PEAK1: variants seen among roughly 807,000 people sequenced by gnomAD.
The protein encoded by PEAK1 is pseudopodium enriched atypical kinase 1.
In PEAK1, 54 loss-of-function variants were observed where a neutral mutation model predicts 124.7. That is an observed-to-expected ratio of 0.43 (90% CI 0.35 to 0.54). The LOEUF (loss-of-function observed/expected upper bound fraction) is 0.54. Among genes scored for constraint, PEAK1 ranks in the 20% least tolerant of loss-of-function variants. The pLI is 0.01. For synonymous variants in PEAK1, 719 were observed against 760.0 expected (o/e 0.95, Z 0.89); for missense variants, 2,046 against 2,134.5 (o/e 0.96, Z 0.82).
chr15:77,298,006 C>T (rs1488834447), intron 2 of PEAK1, among the ~76,000 whole-genome samples: 3 of 124,592 alleles, frequency 2.4e-5, no homozygotes, highest in Admixed American at 1.0e-4. Flanking sequence ...TGCAGTGAGC[C>T]GAGATTGCGC....
In PEAK1 at chr15:77,191,200, G is replaced by C. The variant is rs906437410; in HGVS notation, c.-114-9160C>G. ...CTTATTCACATTACTAATTTGCTAA[G>C]AATCTGTTAAAGGAGTATAATAACT... On this transcript the variant is annotated intron_variant, in intron 6 of 9. Transcript: ENST00000682557. Among the ~76,000 whole-genome samples, 17 of 152,076 alleles carry C rather than the reference G, an allele frequency of 1.1e-4. 1 individual carries two copies. Among genetic ancestry groups the C allele is most frequent in the African/African-American group, 4.1e-4 (17 of 41,400 alleles).
intron 2 of PEAK1, among the ~76,000 whole-genome samples, chr15:77,288,903 T>C (rs2063065819): frequency 7.7e-6 from 1 of 129,678 alleles, no homozygotes; most frequent in African/African-American, 3.0e-5. Flanking sequence ...CACTCCAGCA[T>C]GGGCACAAAG....
chr15:77,419,324 T>G, intron 1 of PEAK1: 1 of 984,080 alleles, frequency 1.0e-6, no homozygotes, highest in Non-Finnish European at 1.2e-6. Flanking sequence ...GCAGACGCGG[T>G]TCAGACGGCA....
At chr15:77,336,847 AT>A (rs1262288843) in intron 2 of PEAK1, among the ~76,000 whole-genome samples, 6 of 152,128 alleles carry the variant, frequency 3.9e-5, no homozygotes, top group Non-Finnish European at 4.4e-5. Context: ...ATGAACCAGA[AT>A]TGCATATAGC....
chr15:77,103,067 G>T (rs1172426581), exon 7 of PEAK1: 6 of 152,152 alleles, frequency 3.9e-5, no homozygotes, highest in Non-Finnish European at 5.9e-5. Context: ...AATAAAATTT[G>T]TATATATGTA....
At chr15:77,420,237 C>G (rs1436394254), upstream of PEAK1, 2 of 151,074 alleles carry the variant, frequency 1.3e-5, no homozygotes, top group Non-Finnish European at 3.0e-5. Context: ...CGCCCTCGCC[C>G]GCTCGCCGCG....
intron 5 of PEAK1, among the ~76,000 whole-genome samples, chr15:77,271,316 C>T (rs2152954672): frequency 6.6e-6 from 1 of 152,246 alleles, no homozygotes; most frequent in East Asian, 1.9e-4. Flanking sequence ...AATAGGAACA[C>T]TTTTACACTG....
In PEAK1 at chr15:77,108,666, C is replaced by T. The variant is rs1596196639; in HGVS notation, c.*5490G>A. 6.6e-6 allele frequency: 1 copy of T among 152,222 alleles called. No homozygotes were observed. The highest frequency in any genetic ancestry group is 1.9e-4 in the East Asian group (1 of 5,190). The allele number at this position is 152,222 out of a possible 1,614,324, so 9.4% of individuals were successfully genotyped here. On this transcript the variant is annotated 3_prime_UTR_variant, in exon 10 of 10. Transcript: ENST00000682557. ...ATGAGTGCGGACACACACATACTAT[C>T]CACACACTAACGGGCAAAGTGGGTT...
chr15:77,133,276 T>C lies in PEAK1; in HGVS notation c.3806A>G (p.Gln1269Arg), dbSNP rs780369781. The C allele has an allele frequency of 3.1e-6, 5 of 1,614,254 alleles. No homozygotes were observed. The highest frequency in any genetic ancestry group is 4.5e-5 in the East Asian group (2 of 44,886). Residue 1269 changes from glutamine to arginine, a missense_variant, in exon 9 of 10, where the codon CAG becomes CGG. Transcript: ENST00000682557. This position sits in a 1 kb window ranked among gnomAD's most constrained non-coding sequence, Gnocchi z 4.2. ...GPSCRQGRGIQKPQRQALYRG... is the reference protein window; with the variant it reads ...GPSCRQGRGIRKPQRQALYRG... ...ATAAAGTGCTTGTCTCTGCGGCTTCTGGATGCCTCGGCCCTGTCTGCAAGA... is the reference window on the plus strand; with the variant it reads ...ATAAAGTGCTTGTCTCTGCGGCTTCCGGATGCCTCGGCCCTGTCTGCAAGA...
chr15:77,215,170 C>CCA (rs2059093342), intron 6 of PEAK1, among the ~76,000 whole-genome samples: 1 of 152,120 alleles, frequency 6.6e-6, no homozygotes, highest in Non-Finnish European at 1.5e-5. Context: ...AAGTGTCCCC[C>CCA]CATGTGCTTA....
intron 9 of PEAK1, among the ~76,000 whole-genome samples, chr15:77,129,218 C>A (rs948299166): frequency 6.6e-6 from 1 of 152,202 alleles, no homozygotes; most frequent in Non-Finnish European, 1.5e-5. Flanking sequence ...AGAAAGCCCT[C>A]CCCAGAAAGC....
rs2057275658 is a variant in PEAK1 at position 77,181,565 on chromosome 15, T to A, written c.362A>T (p.Glu121Val). The stretch of plus-strand genomic sequence containing the variant: ...AACATGGCTAATTCCTTCATCATCT[T>A]CATTATTATTGTTAAGTGGTTTCTG... Reference protein sequence around the residue: ...LSQKPLNNNNEDDEGISHVPK... With the variant: ...LSQKPLNNNNVDDEGISHVPK... The change falls in exon 7 of 10, where the codon GAA becomes GTA. Residue 121 changes from glutamate (E) to valine (V), a missense_variant. Transcript: ENST00000682557. 1 of 1,613,984 alleles carries A rather than the reference T, an allele frequency of 6.2e-7. No homozygotes were observed. The highest frequency in any genetic ancestry group is 1.3e-5 in the African/African-American group (1 of 74,894).
chr15:77,276,185 A>G (rs2062314694), intron 5 of PEAK1, among the ~76,000 whole-genome samples: 1 of 152,200 alleles, frequency 6.6e-6, no homozygotes, highest in Non-Finnish European at 1.5e-5. Context: ...AAATAATTTG[A>G]AAAAATATGA....
intron 7 of PEAK1, chr15:77,178,033 A>G (rs752607461): frequency 2.0e-5 from 3 of 152,202 alleles, no homozygotes; most frequent in Non-Finnish European, 4.4e-5. Context: ...TCTGAAGAAT[A>G]TAGCAAATTT....
intron 1 of PEAK1, among the ~76,000 whole-genome samples, chr15:77,380,685 C>T (rs921692691): frequency 6.6e-6 from 1 of 151,868 alleles, no homozygotes; most frequent in African/African-American, 2.4e-5. Context: ...CACTGTGTTG[C>T]CCAGGCTGGT....
At chr15:77,319,819 G>C (rs926087404) in intron 2 of PEAK1, among the ~76,000 whole-genome samples, 1 of 152,134 alleles carries the variant, frequency 6.6e-6, no homozygotes, top group Non-Finnish European at 1.5e-5. Context: ...ATTTAGAGCA[G>C]TGCAAATTCA....
intron 6 of PEAK1, among the ~76,000 whole-genome samples, chr15:77,236,648 A>AT (rs2060138662): frequency 1.3e-5 from 2 of 152,020 alleles, no homozygotes; most frequent in African/African-American, 4.8e-5. Context: ...GAAGGGTAAG[A>AT]TTGTCTTTTG....
chr15:77,352,736 G>A (rs2067283114), intron 2 of PEAK1: 1 of 963,418 alleles, frequency 1.0e-6, no homozygotes. Flanking sequence ...TTATTTAACA[G>A]ACAAAAAATA....
At chr15:77,177,252 G>A (rs993435834) in intron 7 of PEAK1, among the ~76,000 whole-genome samples, 2 of 151,970 alleles carry the variant, frequency 1.3e-5, no homozygotes, top group African/African-American at 2.4e-5. Context: ...CACCACACCC[G>A]GCCCTGAAAT....
Sources: gnomAD v4.1 joint callset for allele counts (sites outside exome capture counted in the v4.1 genomes callset) on GRCh38, gnomAD v4.1.1 for gene constraint, Gnocchi (gnomAD v3.1) non-coding constraint, MANE v1.5 for transcripts, NCBI Gene and HGNC (gene_info 2026-07-23, HGNC 2026-07-21) for gene names.